The following FBXO34 variants were observed in gnomAD, a reference collection of about 807,000 sequenced individuals.
The protein encoded by FBXO34 is F-box protein 34.
FBXO34 carries 12 observed loss-of-function variants against 24.5 expected under a neutral mutation model. The observed-to-expected ratio is 0.49, with a 90% CI of 0.31 to 0.79. The LOEUF (loss-of-function observed/expected upper bound fraction) is 0.79. Among genes scored for constraint, FBXO34 ranks in the 30% least tolerant of loss-of-function variants. FBXO34 has a pLI of 0.04. For missense variants in FBXO34, 823 were observed against 857.7 expected, an observed-to-expected ratio of 0.96 and a Z score of 0.51; for synonymous variants, 320 against 311.9, an observed-to-expected ratio of 1.03 and a Z score of -0.27.
At chr14:55,337,706 A>T (rs897603625) in intron 1 of FBXO34, among the ~76,000 whole-genome samples, 1 of 152,230 alleles carries the variant, frequency 6.6e-6, no homozygotes, top group Non-Finnish European at 1.5e-5. Context: ...ACTTAGAGGG[A>T]AGTTAAATAT....
At chr14:55,391,136 G>A in the FBXO34 span, 2 of 574,170 alleles carry the variant, frequency 3.5e-6, no homozygotes, top group Non-Finnish European at 6.0e-6. Context: ...TGTAACTATG[G>A]AACATTACGA....
Position 55,351,187 on chromosome 14 carries a change from A to G in FBXO34, c.797A>G (p.Asn266Ser). Residue 266 changes from asparagine to serine, a missense_variant, in exon 2 of 2, where the codon AAT becomes AGT. Transcript: ENST00000313833. The part of the protein sequence containing the change: ...GACEEPTERG[N>S]LEVGEPQSEP... ...TGTGAAGAACCCACAGAAAGGGGAAATCTTGAGGTTGGTGAACCACAGAGC... is the reference window on the plus strand; with the variant it reads ...TGTGAAGAACCCACAGAAAGGGGAAGTCTTGAGGTTGGTGAACCACAGAGC... 1.9e-6 allele frequency: 3 copies of G among 1,614,198 alleles called. No individual in the cohort carries two copies. Among genetic ancestry groups the G allele is most frequent in the South Asian group, 2.2e-5 (2 of 91,086 alleles).
chr14:55,378,927 C>CT, the FBXO34 span, among the ~76,000 whole-genome samples: 1 of 151,952 alleles, frequency 6.6e-6, no homozygotes, highest in Admixed American at 6.6e-5. Flanking sequence ...AGGCTGGTCT[C>CT]TAACTCCTGA....
At chr14:55,345,400 C>T (rs558269808) in intron 1 of FBXO34, among the ~76,000 whole-genome samples, 57 of 152,314 alleles carry the variant, frequency 3.7e-4, no homozygotes, top group Admixed American at 6.5e-4. Flanking sequence ...CTAAAAGCAT[C>T]ATCCACTTTT....
At chr14:55,395,033 T>G in the FBXO34 span, 1 of 482,510 alleles carries the variant, frequency 2.1e-6, no homozygotes, top group Non-Finnish European at 4.2e-6. Context: ...GTTTCTTGGT[T>G]AGCCACTTCT....
chr14:55,420,271 A>T, the FBXO34 span, among the ~76,000 whole-genome samples: 2 of 152,182 alleles, frequency 1.3e-5, no homozygotes, highest in Admixed American at 6.5e-5. Flanking sequence ...GGGTCTTGCC[A>T]TGTTGGCCAG....
chr14:55,296,398 T>TTTTTTTTTTTTTTTTTTTTTG (rs1882131402), intron 1 of FBXO34, among the ~76,000 whole-genome samples: 1 of 118,068 alleles, frequency 8.5e-6, no homozygotes, highest in African/African-American at 3.0e-5. Flanking sequence ...TTTGTTTTTT[T>TTTTTTTTTTTTTTTTTTTTTG]TTTTTTTTTT....
chr14:55,415,882 T>A, the FBXO34 span, among the ~76,000 whole-genome samples: 1 of 151,770 alleles, frequency 6.6e-6, no homozygotes, highest in African/African-American at 2.4e-5. Flanking sequence ...AAAAAATGTA[T>A]GGTGTGTATA....
downstream of FBXO34, among the ~76,000 whole-genome samples, chr14:55,370,473 A>G (rs1566576132): frequency 6.6e-6 from 1 of 152,194 alleles, no homozygotes; most frequent in African/African-American, 2.4e-5. Context: ...TTCAGAGGCA[A>G]TGTTGTATAT....
chr14:55,371,100 C>T (rs945419742), downstream of FBXO34, among the ~76,000 whole-genome samples: 1 of 152,204 alleles, frequency 6.6e-6, no homozygotes, highest in African/African-American at 2.4e-5. Context: ...GTGCCGCTCT[C>T]TCCCTGCTGC....
chr14:55,401,717 T>C, the FBXO34 span, among the ~76,000 whole-genome samples: 2 of 152,060 alleles, frequency 1.3e-5, no homozygotes, highest in African/African-American at 4.8e-5. Context: ...TGATACAGAT[T>C]GATGGGAACA....
chr14:55,418,371 C>A, the FBXO34 span, among the ~76,000 whole-genome samples: 1 of 152,332 alleles, frequency 6.6e-6, no homozygotes, highest in South Asian at 2.1e-4. Context: ...TCCAATACTA[C>A]GTGGATTTTC....
chr14:55,369,762 T>C, downstream of FBXO34: 1 of 1,614,182 alleles, frequency 6.2e-7, no homozygotes, highest in Non-Finnish European at 8.5e-7. Flanking sequence ...TGGGAAGGGA[T>C]ATCACAAAAC....
chr14:55,423,633 A>T, the FBXO34 span, among the ~76,000 whole-genome samples: 271 of 152,332 alleles, frequency 1.8e-3, 1 homozygote, highest in African/African-American at 6.4e-3. Flanking sequence ...GCAGTTGGGG[A>T]AAAAATATTA....
At chr14:55,409,419 G>A in the FBXO34 span, among the ~76,000 whole-genome samples, 1 of 152,164 alleles carries the variant, frequency 6.6e-6, no homozygotes, top group Admixed American at 6.5e-5. Flanking sequence ...TGGGGTGGGG[G>A]CAGTTAGACA....
chr14:55,386,799 G>GC, the FBXO34 span, among the ~76,000 whole-genome samples: 5 of 152,276 alleles, frequency 3.3e-5, no homozygotes, highest in East Asian at 9.7e-4. Context: ...ACCTGCTAGG[G>GC]CTGTTGGGCT....
At chr14:55,366,912 T>G (rs1244726508), downstream of FBXO34, 4 of 152,610 alleles carry the variant, frequency 2.6e-5, no homozygotes, top group African/African-American at 9.7e-5. Flanking sequence ...TTAAGAGTAT[T>G]TACAGGGTGG....
intron 1 of FBXO34, among the ~76,000 whole-genome samples, chr14:55,307,837 C>T (rs1882605131): frequency 6.6e-6 from 1 of 152,178 alleles, no homozygotes; most frequent in Non-Finnish European, 1.5e-5. Flanking sequence ...TTCATGCTCT[C>T]ATATGACTGT....
chr14:55,283,118 A>G (rs1881616743), intron 1 of FBXO34, among the ~76,000 whole-genome samples: 2 of 152,286 alleles, frequency 1.3e-5, no homozygotes, highest in African/African-American at 2.4e-5. Flanking sequence ...TCGTCACTAT[A>G]TTTTAGCTCA....
Sources: gnomAD v4.1 joint callset for allele counts (sites outside exome capture counted in the v4.1 genomes callset) on GRCh38, gnomAD v4.1.1 for gene constraint, MANE v1.5 for transcripts, NCBI Gene and HGNC (gene_info 2026-07-23, HGNC 2026-07-21) for gene names.